PRKG1: variants seen among roughly 807,000 people sequenced by gnomAD.
The protein encoded by PRKG1 is protein kinase cGMP-dependent 1, also known as cGMP-dependent protein kinase 1.
A neutral mutation model predicts 88.1 loss-of-function variants in PRKG1; 35 were observed. The ratio of observed to expected loss-of-function variants is 0.40; its 90% CI spans 0.30 to 0.53. PRKG1 has a LOEUF of 0.53. Among genes scored for constraint, PRKG1 ranks in the 20% least tolerant of loss-of-function variants. PRKG1 has a pLI of 0.59. For synonymous variants in PRKG1, 303 were observed against 292.5 expected (o/e 1.04, Z -0.37); for missense variants, 540 against 839.8 (o/e 0.64, Z 4.41).
chr10:51,824,960 G>A (rs1034752628), intron 4 of PRKG1, among the ~76,000 whole-genome samples: 2 of 152,104 alleles, frequency 1.3e-5, no homozygotes, highest in African/African-American at 4.8e-5. Flanking sequence ...TCAATGTTTG[G>A]AATTATAATT....
At chr10:51,045,384 C>T (rs187877852) in intron 1 of PRKG1, among the ~76,000 whole-genome samples, 123 of 152,032 alleles carry the variant, frequency 8.1e-4, no homozygotes, top group African/African-American at 2.8e-3. Context: ...TGCAGTGGTG[C>T]GATCTTGGCT....
chr10:51,145,892 T>C (rs1333869694), intron 1 of PRKG1, among the ~76,000 whole-genome samples: 1 of 152,154 alleles, frequency 6.6e-6, no homozygotes, highest in Non-Finnish European at 1.5e-5. Context: ...TCCCTGGCTA[T>C]ACTAATTTAC....
At chr10:51,257,165 G>C (rs114378534) in intron 2 of PRKG1, among the ~76,000 whole-genome samples, 1,680 of 141,682 alleles carry the variant, frequency 0.012, 35 homozygotes, top group African/African-American at 0.044. Context: ...TTCAGAGAAG[G>C]GTTTTTTTTT....
At chr10:51,659,364 T>C (rs2132327571) in intron 3 of PRKG1, among the ~76,000 whole-genome samples, 1 of 152,244 alleles carries the variant, frequency 6.6e-6, no homozygotes, top group Non-Finnish European at 1.5e-5. Context: ...AGTCTTGAGA[T>C]AGCCTTCAGA....
At chr10:52,148,357 G>T (rs1340812004) in intron 8 of PRKG1, among the ~76,000 whole-genome samples, 3 of 152,144 alleles carry the variant, frequency 2.0e-5, no homozygotes, top group African/African-American at 7.2e-5. Flanking sequence ...CAGTAGCTCT[G>T]AGTTTGAGAA....
At chr10:52,148,936 T>G (rs1224492439) in intron 8 of PRKG1, among the ~76,000 whole-genome samples, 1 of 150,310 alleles carries the variant, frequency 6.7e-6, no homozygotes, top group Non-Finnish European at 1.5e-5. Flanking sequence ...ACTGACTATT[T>G]GACCACAGAG....
chr10:52,169,203 C>A (rs1268897442), intron 9 of PRKG1, among the ~76,000 whole-genome samples: 1 of 152,030 alleles, frequency 6.6e-6, no homozygotes, highest in Non-Finnish European at 1.5e-5. Flanking sequence ...GCACAGAAAC[C>A]AAGAATAGAC....
At chr10:51,886,312 C>T (rs1841567248) in intron 4 of PRKG1, among the ~76,000 whole-genome samples, 1 of 152,122 alleles carries the variant, frequency 6.6e-6, no homozygotes, top group Non-Finnish European at 1.5e-5. Flanking sequence ...ATTTCTATTA[C>T]AAGCTGTAGT....
At chr10:51,800,763 A>C (rs1246895784) in intron 3 of PRKG1, among the ~76,000 whole-genome samples, 2 of 152,010 alleles carry the variant, frequency 1.3e-5, no homozygotes, top group African/African-American at 4.8e-5. Context: ...TTAGGTCCTC[A>C]TATGGCCTTT....
chr10:52,009,685 A>G (rs1001509231), intron 5 of PRKG1, among the ~76,000 whole-genome samples: 16 of 152,206 alleles, frequency 1.1e-4, no homozygotes, highest in African/African-American at 3.1e-4. Flanking sequence ...TAAAATTCAT[A>G]TGGAACCAAA....
At chr10:52,018,034 TAC>T (rs1845087905) in intron 5 of PRKG1, among the ~76,000 whole-genome samples, 1 of 152,170 alleles carries the variant, frequency 6.6e-6, no homozygotes, top group African/African-American at 2.4e-5. Flanking sequence ...TTTGCCTAAT[TAC>T]GCAGTATTTT....
At chr10:51,199,479 A>G (rs1412112177) in intron 2 of PRKG1, among the ~76,000 whole-genome samples, 9 of 152,314 alleles carry the variant, frequency 5.9e-5, no homozygotes, top group Non-Finnish European at 1.2e-4. Context: ...AAAAGGAGAC[A>G]TGTATGAGTG....
chr10:51,585,310 A>G (rs1322940731), intron 3 of PRKG1, among the ~76,000 whole-genome samples: 4 of 152,122 alleles, frequency 2.6e-5, no homozygotes, highest in Admixed American at 6.6e-5. Flanking sequence ...AAAGAATAAT[A>G]TTAATATTCA....
intron 8 of PRKG1, among the ~76,000 whole-genome samples, chr10:52,159,877 A>G (rs572017980): frequency 6.6e-6 from 1 of 152,016 alleles, no homozygotes; most frequent in Non-Finnish European, 1.5e-5. Context: ...AGTTTTAGTA[A>G]TTATTGCTGT....
chr10:51,172,662 A>G (rs569646665), intron 2 of PRKG1, among the ~76,000 whole-genome samples: 1 of 53,770 alleles, frequency 1.9e-5, no homozygotes, highest in South Asian at 5.0e-4. Flanking sequence ...CTATCTATCT[A>G]TCTATCTATC....
At chr10:51,160,382 G>T (rs1846329028) in intron 2 of PRKG1, among the ~76,000 whole-genome samples, 1 of 152,094 alleles carries the variant, frequency 6.6e-6, no homozygotes, top group Admixed American at 6.6e-5. Context: ...AATTGTGCTT[G>T]TTTAAACAGT....
chr10:51,382,206 G>GA, intron 2 of PRKG1, among the ~76,000 whole-genome samples: 1 of 152,184 alleles, frequency 6.6e-6, no homozygotes, highest in Non-Finnish European at 1.5e-5. Context: ...GAATAATATA[G>GA]AAAAGGGAAA....
chr10:51,887,884 G>A (rs1424057257), intron 4 of PRKG1, among the ~76,000 whole-genome samples: 1 of 152,158 alleles, frequency 6.6e-6, no homozygotes, highest in African/African-American at 2.4e-5. Flanking sequence ...TGGGGAGAAG[G>A]AAATAGGGAA....
At chr10:52,241,266 A>G (rs908306727) in intron 9 of PRKG1, among the ~76,000 whole-genome samples, 3 of 152,166 alleles carry the variant, frequency 2.0e-5, no homozygotes, top group African/African-American at 7.2e-5. Flanking sequence ...ATTGGAGGAC[A>G]GGATTGGGAA....
Sources: gnomAD v4.1 joint callset for allele counts (sites outside exome capture counted in the v4.1 genomes callset) on GRCh38, gnomAD v4.1.1 for gene constraint, MANE v1.5 for transcripts, NCBI Gene and HGNC (gene_info 2026-07-23, HGNC 2026-07-21) for gene names.